Variants in CHST11 observed in about 807,000 individuals in gnomAD.
CHST11 encodes the protein C4S-1.
In CHST11, 9 loss-of-function variants were observed where a neutral mutation model predicts 30.4. The observed-to-expected ratio is 0.30, with a 90% CI of 0.18 to 0.52. The LOEUF (loss-of-function observed/expected upper bound fraction) is 0.52, where lower values mean the gene tolerates loss of function less well. Ranked by LOEUF, CHST11 falls within the 20% of genes least tolerant of loss-of-function variation. CHST11 has a pLI of 0.97. For missense variants in CHST11, 348 were observed against 460.6 expected (o/e 0.76, Z 2.24); for synonymous variants, 152 against 187.8 (o/e 0.81, Z 1.56).
chr12:104,472,031 G>A (rs1395694975), intron 1 of CHST11, among the ~76,000 whole-genome samples: 1 of 152,052 alleles, frequency 6.6e-6, no homozygotes, highest in East Asian at 1.9e-4. Flanking sequence ...CATGATCATA[G>A]TTCACTGCAA....
At chr12:104,504,255 G>A (rs897818341) in intron 1 of CHST11, among the ~76,000 whole-genome samples, 7 of 152,206 alleles carry the variant, frequency 4.6e-5, no homozygotes, top group African/African-American at 1.2e-4. Flanking sequence ...ATTTCTCCCC[G>A]ACTGCTCATG....
chr12:104,571,870 T>G (rs1000856221), intron 1 of CHST11, among the ~76,000 whole-genome samples: 38 of 152,240 alleles, frequency 2.5e-4, no homozygotes, highest in African/African-American at 8.4e-4. Flanking sequence ...TAGCTCTTAT[T>G]ATTTTGAGAT....
At chr12:104,536,507 A>G (rs1245207331) in intron 1 of CHST11, among the ~76,000 whole-genome samples, 1 of 152,134 alleles carries the variant, frequency 6.6e-6, no homozygotes, top group African/African-American at 2.4e-5. Flanking sequence ...CCTTTGCTTC[A>G]TTGTTCTTCC....
At chr12:104,587,307 T>A (rs1373949069) in intron 1 of CHST11, among the ~76,000 whole-genome samples, 4 of 152,262 alleles carry the variant, frequency 2.6e-5, no homozygotes, top group African/African-American at 9.6e-5. Flanking sequence ...AATCTTCTGA[T>A]AACAATTTAA....
chr12:104,637,179 C>T (rs2039330625), intron 2 of CHST11, among the ~76,000 whole-genome samples: 1 of 151,318 alleles, frequency 6.6e-6, no homozygotes, highest in South Asian at 2.1e-4. Context: ...GTGGCACGCA[C>T]TTGTAGTCCC....
At chr12:104,634,550 C>T (rs905915367) in intron 2 of CHST11, among the ~76,000 whole-genome samples, 5 of 152,196 alleles carry the variant, frequency 3.3e-5, no homozygotes, top group Non-Finnish European at 5.9e-5. Flanking sequence ...ATTTCCAAAC[C>T]GCTCCTCGAG....
chr12:104,542,976 G>A (rs1332647084), intron 1 of CHST11, among the ~76,000 whole-genome samples: 2 of 152,162 alleles, frequency 1.3e-5, no homozygotes, highest in Non-Finnish European at 2.9e-5. Context: ...TAGTCCATTT[G>A]TGTTGCTATA....
intron 2 of CHST11, among the ~76,000 whole-genome samples, chr12:104,682,858 G>C (rs903022971): frequency 1.3e-5 from 2 of 152,200 alleles, no homozygotes; most frequent in African/African-American, 4.8e-5. Context: ...CACTGCTCCT[G>C]GCCTTAATGA....
At chr12:104,697,851 G>A (rs1358058335) in intron 2 of CHST11, among the ~76,000 whole-genome samples, 3 of 152,132 alleles carry the variant, frequency 2.0e-5, no homozygotes, top group Non-Finnish European at 2.9e-5. Flanking sequence ...CTTTTCCTGG[G>A]ACCATGCACA....
At chr12:104,561,300 A>G (rs749717022) in intron 1 of CHST11, among the ~76,000 whole-genome samples, 5 of 152,068 alleles carry the variant, frequency 3.3e-5, no homozygotes, top group Admixed American at 6.5e-5. Context: ...CTGCCCCCAC[A>G]CTGAGGGTTG....
At chr12:104,691,735 G>T (rs953177914) in intron 2 of CHST11, among the ~76,000 whole-genome samples, 1 of 152,086 alleles carries the variant, frequency 6.6e-6, no homozygotes, top group Non-Finnish European at 1.5e-5. Flanking sequence ...TGATCCGCCC[G>T]CCTCAGCCTC....
intron 2 of CHST11, among the ~76,000 whole-genome samples, chr12:104,625,911 GA>G (rs2039209858): frequency 6.6e-6 from 1 of 152,196 alleles, no homozygotes; most frequent in Admixed American, 6.5e-5. Flanking sequence ...AGGAATTTGT[GA>G]AACAAATTAA....
intron 2 of CHST11, among the ~76,000 whole-genome samples, chr12:104,612,599 A>G (rs903851750): frequency 2.0e-5 from 3 of 152,190 alleles, no homozygotes; most frequent in African/African-American, 4.8e-5. Context: ...AGGGGACACA[A>G]TTCAATCCCT....
intron 1 of CHST11, among the ~76,000 whole-genome samples, chr12:104,485,799 CGGT>C (rs1300855379): frequency 6.6e-6 from 1 of 152,204 alleles, no homozygotes; most frequent in Non-Finnish European, 1.5e-5. Flanking sequence ...CAAATGGAAA[CGGT>C]GGAAACTGAA....
At position 104,488,737 on chromosome 12, in the gene CHST11, ACG is replaced by A. The variant is rs1491399926; in HGVS notation, c.118+31211_118+31212del. Among the ~76,000 whole-genome samples, 508 of 80,432 alleles carry A rather than the reference ACG, an allele frequency of 6.3e-3. 6 individuals are homozygous for A. The highest frequency in any genetic ancestry group is 0.022 in the African/African-American group (406 of 18,164). The allele number at this position is 80,432 out of a possible 152,430, so 52.8% of individuals were successfully genotyped here. A position where few individuals can be genotyped will look rare whatever the true frequency, so the allele number is the denominator to read the frequency against. Reference sequence around the variant, plus strand: ...TGTGTGCGTGTATGTGTGTATGTGTACGCGTGTGTGTGTGTGTGTGTGTGTGT... The same window carrying A: ...TGTGTGCGTGTATGTGTGTATGTGTACGTGTGTGTGTGTGTGTGTGTGTGT... On this transcript the variant is annotated intron_variant, in intron 1 of 2. Coordinates refer to ENST00000303694, the MANE Select transcript of CHST11 (RefSeq NM_018413.6).
At chr12:104,618,270 C>G (rs2039128296) in intron 2 of CHST11, among the ~76,000 whole-genome samples, 1 of 142,998 alleles carries the variant, frequency 7.0e-6, no homozygotes, top group African/African-American at 2.6e-5. Flanking sequence ...GTTGCCCAGG[C>G]TGGAGTGCAG....
chr12:104,573,096 A>T lies in CHST11; in HGVS notation c.119-28810A>T, dbSNP rs570938128. ...CAGACAGAGAGCCAAATCATGAGTG[A>T]ACTCCCATTCACAATTGCTTCAAAG... On this transcript the variant is annotated intron_variant, in intron 1 of 2. Coordinates refer to ENST00000303694, the MANE Select transcript of CHST11 (RefSeq NM_018413.6). Among the ~76,000 whole-genome samples the T allele has an allele frequency of 7.3e-4, 111 of 152,378 alleles. 1 individual carries two copies. Among genetic ancestry groups the T allele is most frequent in the African/African-American group, 2.6e-3 (108 of 41,594 alleles).
In CHST11 at chr12:104,676,666, G is replaced by C. The variant is rs1223133223; in HGVS notation, c.204+74675G>C. Among the ~76,000 whole-genome samples the C allele has an allele frequency of 6.6e-6, 1 of 152,214 alleles. No homozygotes were observed. The highest frequency in any genetic ancestry group is 1.5e-5 in the Non-Finnish European group (1 of 68,024). On this transcript the variant is annotated intron_variant, in intron 2 of 2. Transcript: ENST00000303694. The surrounding 1 kb of genome is among the most constrained non-coding windows in gnomAD (Gnocchi z 4.4). ...CTGACCTTGTGATCGGCCTCCCAAA[G>C]TGTTGGGATTACAGGCATGAGCCAC...
chr12:104,506,464 G>A (rs949982631), intron 1 of CHST11, among the ~76,000 whole-genome samples: 4 of 152,182 alleles, frequency 2.6e-5, no homozygotes, highest in Non-Finnish European at 4.4e-5. Flanking sequence ...CAGGATGGAC[G>A]GTCCTGCACA....
Sources: gnomAD v4.1 joint callset for allele counts (sites outside exome capture counted in the v4.1 genomes callset) on GRCh38, gnomAD v4.1.1 for gene constraint, Gnocchi (gnomAD v3.1) non-coding constraint, MANE v1.5 for transcripts, NCBI Gene and HGNC (gene_info 2026-07-23, HGNC 2026-07-21) for gene names.